Variants in THSD7B observed in about 807,000 individuals in gnomAD.
THSD7B encodes thrombospondin type 1 domain containing 7B.
A neutral mutation model predicts 213.6 loss-of-function variants in THSD7B; 138 were observed. That is an observed-to-expected ratio of 0.65 (90% CI 0.56 to 0.74). The LOEUF (loss-of-function observed/expected upper bound fraction) is 0.74. Ranked by LOEUF, THSD7B falls within the 30% of genes least tolerant of loss-of-function variation. The pLI is 0.00. For synonymous variants in THSD7B, 742 were observed against 687.0 expected, an observed-to-expected ratio of 1.08 and a Z score of -1.25; for missense variants, 1,931 against 1,991.5, an observed-to-expected ratio of 0.97 and a Z score of 0.58.
Position 137,231,073 on chromosome 2 carries a change from G to C in THSD7B, c.1753G>C (p.Val585Leu). 1 of 1,613,630 alleles carries C rather than the reference G, an allele frequency of 6.2e-7. No individual in the cohort carries two copies. The highest frequency in any genetic ancestry group is 1.1e-5 in the South Asian group (1 of 91,068). Reference protein sequence around the residue: ...GEDVSGSLCPVPPPPERKSCE... With the variant: ...GEDVSGSLCPLPPPPERKSCE... Reference sequence around the variant, plus strand: ...AGATGTATCAGGGAGTCTTTGCCCAGTTCCCCCTCCTCCTGAGAGGAAGTC... The same window carrying C: ...AGATGTATCAGGGAGTCTTTGCCCACTTCCCCCTCCTCCTGAGAGGAAGTC... The change falls in exon 8 of 28, where the codon GTT becomes CTT. Residue 585 changes from valine (V) to leucine (L), a missense_variant. Transcript: ENST00000409968.
intron 1 of THSD7B, among the ~76,000 whole-genome samples, chr2:136,828,207 C>T (rs953029771): frequency 1.3e-5 from 2 of 152,160 alleles, no homozygotes; most frequent in Non-Finnish European, 2.9e-5. Context: ...CTTAACCTCT[C>T]TAGAGCATTT....
At chr2:137,096,179 CT>C (rs1688035675) in intron 4 of THSD7B, among the ~76,000 whole-genome samples, 2 of 152,148 alleles carry the variant, frequency 1.3e-5, no homozygotes, top group Non-Finnish European at 2.9e-5. Flanking sequence ...TGAACTGTAT[CT>C]GTTAAATCTG....
At chr2:137,115,617 C>CT (rs1167904886) in intron 5 of THSD7B, among the ~76,000 whole-genome samples, 1 of 151,886 alleles carries the variant, frequency 6.6e-6, no homozygotes, top group African/African-American at 2.4e-5. Context: ...GAATGGCATT[C>CT]TTTTTTGTTT....
intron 15 of THSD7B, among the ~76,000 whole-genome samples, chr2:137,557,152 G>A (rs945025675): frequency 1.3e-5 from 2 of 152,068 alleles, no homozygotes; most frequent in African/African-American, 4.8e-5. Context: ...AAGTTAAGAG[G>A]GATATCCAGG....
At chr2:136,788,311 G>A (rs902166088) in intron 1 of THSD7B, among the ~76,000 whole-genome samples, 1 of 152,300 alleles carries the variant, frequency 6.6e-6, no homozygotes, top group African/African-American at 2.4e-5. Flanking sequence ...GTATGGTTCT[G>A]CTCTGAGGTT....
chr2:137,464,595 T>A (rs1687955565), intron 15 of THSD7B, among the ~76,000 whole-genome samples: 1 of 152,052 alleles, frequency 6.6e-6, no homozygotes, highest in Non-Finnish European at 1.5e-5. Flanking sequence ...GTCTTTGCAC[T>A]TTGTACTAAG....
intron 4 of THSD7B, among the ~76,000 whole-genome samples, chr2:137,105,270 C>T (rs538628179): frequency 2.6e-5 from 4 of 152,228 alleles, no homozygotes; most frequent in East Asian, 1.9e-4. Context: ...AATCAATAAA[C>T]GTAATCCATC....
intron 2 of THSD7B, chr2:136,991,049 G>A: frequency 2.2e-6 from 2 of 915,822 alleles, no homozygotes; most frequent in Admixed American, 2.8e-5. Context: ...ATGGTTATGT[G>A]TTAAATAAAA....
chr2:136,798,557 T>A (rs1398241921), intron 1 of THSD7B, among the ~76,000 whole-genome samples: 2 of 152,010 alleles, frequency 1.3e-5, no homozygotes, highest in Non-Finnish European at 2.9e-5. Context: ...CTTCCCTGTC[T>A]TCTAAATGGT....
rs372168950 is a variant in THSD7B at position 137,272,240 on chromosome 2, T to C, written c.2267-293T>C. 5.3e-5 allele frequency among the ~76,000 whole-genome samples: 8 copies of C among 152,090 alleles called. No individual in the cohort carries two copies. In the East Asian group the frequency reaches 1.5e-3, roughly 29 times the overall value. ...GATCAAAGAAGGTTTCTGGGGCCCC[T>C]TCGATCATGCCATAAAACTTTTATG... On this transcript the variant is annotated intron_variant, in intron 10 of 27. Transcript: ENST00000409968.
intron 12 of THSD7B, among the ~76,000 whole-genome samples, chr2:137,365,521 C>T (rs1391608027): frequency 1.3e-5 from 2 of 152,128 alleles, no homozygotes; most frequent in African/African-American, 4.8e-5. Flanking sequence ...CCAGAATCTA[C>T]AAAGAACTTA....
chr2:137,506,664 G>A (rs1679842467), intron 15 of THSD7B, among the ~76,000 whole-genome samples: 1 of 152,226 alleles, frequency 6.6e-6, no homozygotes, highest in Admixed American at 6.5e-5. Flanking sequence ...ATGCTTCAGA[G>A]AGTGGACATT....
Position 137,508,411 on chromosome 2 carries a change from G to C in THSD7B, c.3139-54810G>C, listed in dbSNP as rs545548709. Among the ~76,000 whole-genome samples, 989 of 129,368 alleles carry C rather than the reference G, an allele frequency of 7.6e-3. 14 individuals carry two copies. The highest frequency in any genetic ancestry group is 0.028 in the African/African-American group (940 of 33,432). 84.9% of individuals were successfully genotyped at this position (129,368 alleles called of 152,430 possible). ...TTTTTTTTTTTGAGACAGTCTCGCTGTGTCGCCCAGGCTGGAGTGCAGTGG... is the reference window on the plus strand; with the variant it reads ...TTTTTTTTTTTGAGACAGTCTCGCTCTGTCGCCCAGGCTGGAGTGCAGTGG... On this transcript the variant is annotated intron_variant, in intron 15 of 27. Transcript: ENST00000409968.
chr2:137,409,560 A>G (rs1466292066), intron 13 of THSD7B, among the ~76,000 whole-genome samples: 1 of 152,230 alleles, frequency 6.6e-6, no homozygotes, highest in Non-Finnish European at 1.5e-5. Context: ...GAAATCTTGG[A>G]TGAAGACAGT....
intron 2 of THSD7B, among the ~76,000 whole-genome samples, chr2:137,003,078 G>A (rs1165975696): frequency 6.6e-6 from 1 of 152,150 alleles, no homozygotes; most frequent in East Asian, 1.9e-4. Flanking sequence ...ACATATCTCT[G>A]GGGAGTCTCT....
rs1685559497 is a variant in THSD7B, at chr2:137,372,762, A to G, written c.2501-32851A>G. Among the ~76,000 whole-genome samples the G allele has an allele frequency of 1.3e-5, 2 of 151,948 alleles. 1 individual carries two copies. Among genetic ancestry groups the G allele is most frequent in the African/African-American group, 4.8e-5 (2 of 41,446 alleles). On this transcript the variant is annotated intron_variant, in intron 12 of 27. Transcript: ENST00000409968. The stretch of plus-strand genomic sequence containing the variant: ...TGCACAATGTGCAGGTTAGTTACAT[A>G]TGTATACATGTGCCATGCTGGTGTG...
chr2:137,557,036 A>G (rs971244115), intron 15 of THSD7B, among the ~76,000 whole-genome samples: 1 of 152,190 alleles, frequency 6.6e-6, no homozygotes, highest in Non-Finnish European at 1.5e-5. Context: ...ACCCAGATTC[A>G]CAAAGCAAGT....
intron 27 of THSD7B, among the ~76,000 whole-genome samples, chr2:137,669,882 G>A (rs897654153): frequency 9.9e-5 from 15 of 151,844 alleles, no homozygotes; most frequent in South Asian, 4.2e-4. Context: ...CTATTCCTTC[G>A]ACAACAAATA....
At chr2:137,603,875 C>A (rs551612567) in intron 17 of THSD7B, among the ~76,000 whole-genome samples, 1 of 152,210 alleles carries the variant, frequency 6.6e-6, no homozygotes, top group African/African-American at 2.4e-5. Flanking sequence ...CTTTGGGAGG[C>A]CAAGGTGGAT....
Sources: allele counts gnomAD v4.1 joint callset (sites outside exome capture counted in the v4.1 genomes callset), GRCh38; gene constraint gnomAD v4.1.1; transcripts MANE v1.5; gene names NCBI Gene and HGNC (gene_info 2026-07-23, HGNC 2026-07-21).